Variants in ZNF423 observed in about 807,000 individuals in gnomAD.
The protein encoded by ZNF423 is zinc finger protein 423, also known as Ebf-associated zinc finger protein.
In ZNF423, 12 loss-of-function variants were observed where a neutral mutation model predicts 95.8. The ratio of observed to expected loss-of-function variants is 0.13; its 90% CI spans 0.08 to 0.20. The LOEUF is 0.20. ZNF423 is among the 10% of genes least tolerant of loss of function. ZNF423 has a pLI of 1.00. For missense variants in ZNF423, 1,316 were observed against 1,737.1 expected, an observed-to-expected ratio of 0.76 and a Z score of 4.31; for synonymous variants, 749 against 711.9, an observed-to-expected ratio of 1.05 and a Z score of -0.83.
chr16:49,588,950 G>C (rs1046335621), intron 5 of ZNF423, among the ~76,000 whole-genome samples: 1 of 152,218 alleles, frequency 6.6e-6, no homozygotes, highest in Non-Finnish European at 1.5e-5. Flanking sequence ...GGAAGGAGCT[G>C]TGAAGTGCAT....
At chr16:49,688,047 C>T (rs534983277) in intron 3 of ZNF423, among the ~76,000 whole-genome samples, 25 of 102,732 alleles carry the variant, frequency 2.4e-4, no homozygotes, top group African/African-American at 7.1e-4. Context: ...CTGCAGACCA[C>T]GGTGCGGTTT....
intron 2 of ZNF423, among the ~76,000 whole-genome samples, chr16:49,737,488 T>G (rs1318156299): frequency 6.6e-6 from 1 of 152,230 alleles, no homozygotes; most frequent in Non-Finnish European, 1.5e-5. Flanking sequence ...CAGGCTGGTC[T>G]CAAACTTCTG....
At chr16:49,571,038 G>C (rs955364714) in intron 5 of ZNF423, among the ~76,000 whole-genome samples, 4 of 152,234 alleles carry the variant, frequency 2.6e-5, no homozygotes, top group Non-Finnish European at 4.4e-5. Flanking sequence ...CCCTGGTCTG[G>C]AGAAGGCCTA....
chr16:49,850,094 C>G (rs561555042), intron 1 of ZNF423, among the ~76,000 whole-genome samples: 47 of 152,360 alleles, frequency 3.1e-4, no homozygotes, highest in African/African-American at 1.1e-3. Context: ...CTAATTGGCG[C>G]TCCTTGAAAG....
intron 7 of ZNF423, among the ~76,000 whole-genome samples, chr16:49,522,778 T>C (rs1053287987): frequency 2.0e-5 from 3 of 152,186 alleles, no homozygotes; most frequent in African/African-American, 7.2e-5. Context: ...TGCGTGCACC[T>C]TCCCTTTGTG....
chr16:49,509,591 T>C (rs531633642), intron 7 of ZNF423, among the ~76,000 whole-genome samples: 3 of 152,130 alleles, frequency 2.0e-5, no homozygotes, highest in Non-Finnish European at 2.9e-5. Flanking sequence ...TGTTCCTGCT[T>C]GACCAAAGAG....
chr16:49,830,410 C>T (rs1268560766), intron 1 of ZNF423, among the ~76,000 whole-genome samples: 4 of 152,180 alleles, frequency 2.6e-5, no homozygotes, highest in African/African-American at 9.7e-5. Context: ...GGGTGCTCCC[C>T]AGCAGCCTTT....
intron 2 of ZNF423, among the ~76,000 whole-genome samples, chr16:49,767,930 T>G (rs1486937322): frequency 6.6e-6 from 1 of 152,238 alleles, no homozygotes; most frequent in South Asian, 2.1e-4. Flanking sequence ...TGAACCAATT[T>G]CATTACAACA....
intron 2 of ZNF423, among the ~76,000 whole-genome samples, chr16:49,739,944 T>C (rs2033379477): frequency 6.6e-6 from 1 of 152,006 alleles, no homozygotes; most frequent in Admixed American, 6.6e-5. Context: ...CTGCAACCTC[T>C]GCCTCCCGGG....
At chr16:49,515,007 AT>A (rs1417881103) in intron 7 of ZNF423, among the ~76,000 whole-genome samples, 3 of 152,216 alleles carry the variant, frequency 2.0e-5, no homozygotes, top group African/African-American at 7.2e-5. Context: ...CTATTCCCCC[AT>A]GACAGGACCA....
At chr16:49,659,964 G>A (rs971193479) in intron 3 of ZNF423, among the ~76,000 whole-genome samples, 4 of 152,206 alleles carry the variant, frequency 2.6e-5, no homozygotes, top group Non-Finnish European at 5.9e-5. Context: ...CAGGCCACTC[G>A]TCAGGGTGGG....
intron 5 of ZNF423, among the ~76,000 whole-genome samples, chr16:49,624,187 T>G (rs1192572324): frequency 6.6e-6 from 1 of 151,998 alleles, no homozygotes; most frequent in Non-Finnish European, 1.5e-5. Flanking sequence ...GTATTATATA[T>G]AAACGCAAAA....
chr16:49,727,845 G>A lies in ZNF423; in HGVS notation c.301+2926C>T, dbSNP rs561096551. On this transcript the variant is annotated intron_variant, in intron 3 of 7. Coordinates refer to ENST00000563137, the MANE Select transcript of ZNF423 (RefSeq NM_001379286.1). The stretch of plus-strand genomic sequence containing the variant: ...AGCCTGCGCCCAGCGCGGCCCTCTC[G>A]GACACGGTCTCTATTGGGCTTCTAT... Among the ~76,000 whole-genome samples the A allele has an allele frequency of 9.8e-5, 15 of 152,308 alleles. 1 individual carries two copies. Among genetic ancestry groups the A allele is most frequent in the South Asian group, 6.2e-4 (3 of 4,824 alleles).
chr16:49,511,162 C>T (rs985968439), intron 7 of ZNF423, among the ~76,000 whole-genome samples: 8 of 152,206 alleles, frequency 5.3e-5, no homozygotes, highest in Non-Finnish European at 7.3e-5. Context: ...ACTACCCCTC[C>T]GGTGCCCGCT....
intron 5 of ZNF423, among the ~76,000 whole-genome samples, chr16:49,619,833 T>C (rs920726599): frequency 5.3e-5 from 8 of 152,168 alleles, no homozygotes; most frequent in African/African-American, 1.4e-4. Flanking sequence ...CCCCTTTTTC[T>C]TTTCATGTTC....
chr16:49,594,119 G>A (rs777168571), intron 5 of ZNF423, among the ~76,000 whole-genome samples: 28 of 152,138 alleles, frequency 1.8e-4, no homozygotes, highest in Admixed American at 9.2e-4. Flanking sequence ...CAGCTGGGGG[G>A]TAAACAGAAG....
rs534186258 is a variant in ZNF423, at chr16:49,667,538, T to G, written c.302-28664A>C. Reference sequence around the variant, plus strand: ...TTCTGAAGACCTGCTCTATAGGTATTTACAGCAACACCCTGGGGTAAAAGC... The same window carrying G: ...TTCTGAAGACCTGCTCTATAGGTATGTACAGCAACACCCTGGGGTAAAAGC... On this transcript the variant is annotated intron_variant, in intron 3 of 7. Transcript: ENST00000563137. Among the ~76,000 whole-genome samples the G allele has an allele frequency of 3.8e-4, 58 of 152,314 alleles. No homozygotes were observed. The South Asian group carries it at 0.012, about 31-fold the overall frequency.
intron 3 of ZNF423, among the ~76,000 whole-genome samples, chr16:49,645,301 C>T (rs1044228156): frequency 1.3e-5 from 2 of 152,154 alleles, no homozygotes; most frequent in Non-Finnish European, 2.9e-5. Context: ...TACCCAATCC[C>T]ACATGATACA....
At position 49,768,245 on chromosome 16, in the gene ZNF423, G is replaced by A. The variant is rs768671478; in HGVS notation, c.100+21242C>T. ...CCCTGAGCGGGAGCCGGGAACGGGG[G>A]CGCGGCGCGGACACCCCCGGATGGG... On this transcript the variant is annotated intron_variant, in intron 2 of 7. Transcript: ENST00000563137. 1.1e-4 allele frequency among the ~76,000 whole-genome samples: 17 copies of A among 152,308 alleles called. No individual in the cohort carries two copies. The South Asian group carries it at 2.5e-3, about 22-fold the overall frequency.
Sources: gnomAD v4.1 joint callset for allele counts (sites outside exome capture counted in the v4.1 genomes callset) on GRCh38, gnomAD v4.1.1 for gene constraint, MANE v1.5 for transcripts, NCBI Gene and HGNC (gene_info 2026-07-23, HGNC 2026-07-21) for gene names.